The following ARHGEF12 variants were observed in gnomAD, a reference collection of about 807,000 sequenced individuals.
The protein encoded by ARHGEF12 is KMT2A/ARHGEF12 fusion protein.
Under a neutral mutation model 211.2 loss-of-function variants are expected in ARHGEF12, and 66 were observed. The observed-to-expected ratio is 0.31, with a 90% CI of 0.26 to 0.38. ARHGEF12 has a LOEUF of 0.38. Ranked by LOEUF, ARHGEF12 falls within the 10% of genes least tolerant of loss-of-function variation. ARHGEF12 has a pLI of 1.00. For synonymous variants in ARHGEF12, 592 were observed against 638.4 expected (o/e 0.93, Z 1.09); for missense variants, 1,429 against 1,869.5 (o/e 0.76, Z 4.34).
chr11:120,356,724 G>C (rs1316941358), intron 1 of ARHGEF12, among the ~76,000 whole-genome samples: 1 of 151,984 alleles, frequency 6.6e-6, no homozygotes, highest in East Asian at 1.9e-4. Flanking sequence ...TCTGTATTTT[G>C]CTAAAAAGTT....
chr11:120,448,447 A>AT lies in ARHGEF12; in HGVS notation c.1737+101dup, dbSNP rs776510382. The AT allele has an allele frequency of 9.3e-5, 76 of 817,656 alleles. No individual in the cohort carries two copies. The Middle Eastern group carries it at 1.1e-3, about 12-fold the overall frequency. 50.7% of individuals were successfully genotyped at this position (817,656 alleles called of 1,614,324 possible). A position where few individuals can be genotyped will look rare whatever the true frequency, so the allele number is the denominator to read the frequency against. ...ATCTTAGTATTTACTTAATCAGCAA[A>AT]TTAATGCTAGTCATACAAACATTTA... On this transcript the variant is annotated intron_variant, in intron 20 of 40. Coordinates refer to ENST00000397843, the MANE Select transcript of ARHGEF12 (RefSeq NM_015313.3).
chr11:120,417,210 G>A (rs1231580753), intron 4 of ARHGEF12, among the ~76,000 whole-genome samples: 1 of 151,930 alleles, frequency 6.6e-6, no homozygotes, highest in African/African-American at 2.4e-5. Context: ...TTCTCTGCAG[G>A]CATCTGAAAA....
At chr11:120,441,374 A>G (rs1226803476) in intron 13 of ARHGEF12, among the ~76,000 whole-genome samples, 1 of 152,160 alleles carries the variant, frequency 6.6e-6, no homozygotes. Flanking sequence ...CTATTTTATG[A>G]TTGGGCAAAA....
At chr11:120,342,405 C>G (rs1942564025) in intron 1 of ARHGEF12, among the ~76,000 whole-genome samples, 1 of 152,140 alleles carries the variant, frequency 6.6e-6, no homozygotes. Context: ...TATGTACTTG[C>G]TGTACCAGGC....
chr11:120,477,274 C>G lies in ARHGEF12; in HGVS notation c.3421C>G (p.Pro1141Ala). 6.2e-7 allele frequency: 1 copy of G among 1,614,056 alleles called. No individual in the cohort carries two copies. ...ATCAGTGAAGGAGCAATCCACAAAGCCAATTCCATTACCACAGTCAACACC... is the reference window on the plus strand; with the variant it reads ...ATCAGTGAAGGAGCAATCCACAAAGGCAATTCCATTACCACAGTCAACACC... ...AASVKEQSTK[P>A]IPLPQSTPGE... is the part of the protein sequence containing the mutation. The change falls in exon 35 of 41, where the codon CCA becomes GCA. Residue 1141 changes from proline to alanine, a missense_variant. By Grantham distance (27) the Pro-to-Ala change is conservative (BLOSUM62 -1). Around this residue, in one of 7 missense-constraint regions of ARHGEF12, gnomAD observed 223 missense variants for 444.6 expected, o/e 0.50. Coordinates refer to ENST00000397843, the MANE Select transcript of ARHGEF12 (RefSeq NM_015313.3).
At chr11:120,369,894 T>C (rs1316712319) in intron 1 of ARHGEF12, among the ~76,000 whole-genome samples, 1 of 152,166 alleles carries the variant, frequency 6.6e-6, no homozygotes, top group Non-Finnish European at 1.5e-5. Context: ...AAGTCGAGGC[T>C]CCCCTGGGTA....
chr11:120,396,497 T>C (rs1026339259), intron 1 of ARHGEF12, among the ~76,000 whole-genome samples: 19 of 152,178 alleles, frequency 1.2e-4, no homozygotes, highest in Non-Finnish European at 2.6e-4. Context: ...GTGTCATATA[T>C]CCTCTGATGG....
intron 1 of ARHGEF12, among the ~76,000 whole-genome samples, chr11:120,369,725 C>T (rs779171027): frequency 1.3e-5 from 2 of 152,234 alleles, no homozygotes; most frequent in Non-Finnish European, 2.9e-5. Context: ...ACACAGAAGT[C>T]TCAATGTAGC....
intron 1 of ARHGEF12, among the ~76,000 whole-genome samples, chr11:120,351,486 CAA>C (rs1942970243): frequency 1.3e-5 from 1 of 78,182 alleles, no homozygotes; most frequent in African/African-American, 5.3e-5. Context: ...TTTTTTGAGA[CAA>C]AGTCTCGCTC....
At chr11:120,444,999 A>G (rs1946001269) in intron 15 of ARHGEF12, among the ~76,000 whole-genome samples, 1 of 152,230 alleles carries the variant, frequency 6.6e-6, no homozygotes, top group Non-Finnish European at 1.5e-5. Context: ...GAGCATCTCA[A>G]ATATAGGAAA....
At chr11:120,380,516 T>C (rs539322567) in intron 1 of ARHGEF12, among the ~76,000 whole-genome samples, 1 of 152,316 alleles carries the variant, frequency 6.6e-6, no homozygotes, top group African/African-American at 2.4e-5. Flanking sequence ...GAGGACTTTG[T>C]AGAATGCCCC....
At chr11:120,384,544 C>T (rs918380964) in intron 1 of ARHGEF12, among the ~76,000 whole-genome samples, 9 of 152,140 alleles carry the variant, frequency 5.9e-5, no homozygotes, top group Non-Finnish European at 8.8e-5. Context: ...AAATTATTTT[C>T]GCAAAATTAC....
chr11:120,470,432 G>A (rs543487959), intron 30 of ARHGEF12, among the ~76,000 whole-genome samples: 1 of 152,206 alleles, frequency 6.6e-6, no homozygotes, highest in Non-Finnish European at 1.5e-5. Flanking sequence ...ATATTTGGAT[G>A]GACAGGATGA....
chr11:120,380,920 A>G (rs750583850), intron 1 of ARHGEF12, among the ~76,000 whole-genome samples: 9 of 152,092 alleles, frequency 5.9e-5, no homozygotes, highest in African/African-American at 1.7e-4. Context: ...AACTTTGGCT[A>G]TTGGGAAGGT....
intron 1 of ARHGEF12, among the ~76,000 whole-genome samples, chr11:120,348,089 A>G (rs997052019): frequency 4.6e-5 from 7 of 152,160 alleles, no homozygotes; most frequent in East Asian, 1.9e-4. Context: ...TTCTAATTAC[A>G]TTATATTGCT....
chr11:120,473,154 A>AAAAAT, intron 31 of ARHGEF12, 27 bp downstream of exon 31: 1 of 1,601,916 alleles, frequency 6.2e-7, no homozygotes, highest in East Asian at 2.2e-5. Context: ...TCATAATTTA[A>AAAAAT]AAAATAAAAT....
intron 1 of ARHGEF12, among the ~76,000 whole-genome samples, chr11:120,385,916 C>T (rs1008463293): frequency 7.2e-5 from 11 of 151,970 alleles, no homozygotes; most frequent in African/African-American, 1.7e-4. Flanking sequence ...TGGTTGTTTC[C>T]CTTTGATACC....
intron 11 of ARHGEF12, among the ~76,000 whole-genome samples, chr11:120,433,193 T>C (rs1245867582): frequency 6.6e-6 from 1 of 152,200 alleles, no homozygotes; most frequent in African/African-American, 2.4e-5. Flanking sequence ...AGGCAATAGG[T>C]GATCTACTTC....
intron 4 of ARHGEF12, among the ~76,000 whole-genome samples, chr11:120,419,882 A>G (rs1945133147): frequency 6.6e-6 from 1 of 152,178 alleles, no homozygotes; most frequent in East Asian, 1.9e-4. Flanking sequence ...AGCTGAAAAT[A>G]TATGTTGTCT....
Sources: allele counts gnomAD v4.1 joint callset (sites outside exome capture counted in the v4.1 genomes callset), GRCh38; gene constraint gnomAD v4.1.1; regional missense constraint gnomAD v4.1.1; transcripts MANE v1.5; gene names NCBI Gene and HGNC (gene_info 2026-07-23, HGNC 2026-07-21).